DACT2: variants seen among roughly 807,000 people sequenced by gnomAD.
DACT2 encodes the protein dishevelled binding antagonist of beta catenin 2.
A neutral mutation model predicts 22.2 loss-of-function variants in DACT2; 20 were observed. That is an observed-to-expected ratio of 0.90 (90% CI 0.63 to 1.31). The LOEUF (loss-of-function observed/expected upper bound fraction) is 1.31. DACT2 is among the 50% of genes most tolerant of loss of function. The probability of loss-of-function intolerance (pLI) is 0.00; values close to 1 mark genes in which losing one functional copy is unlikely to be tolerated. For synonymous variants in DACT2, 463 were observed against 479.8 expected, an observed-to-expected ratio of 0.96 and a Z score of 0.46; for missense variants, 1,048 against 1,061.4, an observed-to-expected ratio of 0.99 and a Z score of 0.18.
Position 168,308,559 on chromosome 6 carries a change from T to G in DACT2, c.1198A>C (p.Arg400=). ...GGPAQSRGAG[R]GGPQQQGYMP... ...TATCCCTGCTGCTGGGGCCCGCCCC[T>G]GCCGGCACCCCTGCTCTGAGCTGGC... Residue 400 remains arginine (R), a synonymous_variant, in exon 4 of 4, where the codon AGG becomes CGG. Coordinates refer to ENST00000366795, the MANE Select transcript of DACT2 (RefSeq NM_214462.5). 3 of 1,549,622 alleles carry G rather than the reference T, an allele frequency of 1.9e-6. No individual in the cohort carries two copies. Among genetic ancestry groups the G allele is most frequent in the Non-Finnish European group, 2.6e-6 (3 of 1,146,942 alleles).
chr6:168,311,321 CT>C, intron 1 of DACT2, 37 bp from the exon 2 acceptor site: 2 of 1,511,932 alleles, frequency 1.3e-6, no homozygotes, highest in Non-Finnish European at 1.8e-6. Flanking sequence ...ACTGTTGTAC[CT>C]ATGGAAAGCA....
chr6:168,310,422 C>T lies in DACT2; in HGVS notation c.404G>A (p.Gly135Glu), dbSNP rs2114910887. The T allele has an allele frequency of 6.4e-7, 1 of 1,550,850 alleles. No homozygotes were observed. The highest frequency in any genetic ancestry group is 2.4e-5 in the East Asian group (1 of 40,874). The stretch of plus-strand genomic sequence containing the variant: ...ACAGGACGTGGACAGGGAGCAGGAT[C>T]CACCGTCGCTCATCTCGTAAAAGCC... ...SSGFYEMSDG[G>E]SCSLSTSCAS... is the part of the protein sequence containing the mutation. The change falls in exon 3 of 4, where the codon GGA (glycine) becomes GAA (glutamate). Residue 135 changes from glycine (G) to glutamate (E), a missense_variant. By Grantham distance (98) the Gly-to-Glu change is moderately conservative. Coordinates refer to ENST00000366795, the MANE Select transcript of DACT2 (RefSeq NM_214462.5).
At chr6:168,302,645 G>A (rs536125825), downstream of DACT2, among the ~76,000 whole-genome samples, 5 of 152,328 alleles carry the variant, frequency 3.3e-5, no homozygotes, top group African/African-American at 9.6e-5. Flanking sequence ...CAGGAGGGAG[G>A]GATGAGTCTG....
At chr6:168,304,117 C>A (rs145684620), downstream of DACT2, among the ~76,000 whole-genome samples, 1 of 152,168 alleles carries the variant, frequency 6.6e-6, no homozygotes, top group East Asian at 1.9e-4. Flanking sequence ...GGAAACAGCT[C>A]CTCTGTCTTC....
Position 168,307,852 on chromosome 6 carries a change from C to G in DACT2, c.1905G>C (p.Val635=). The part of the protein sequence containing the change: ...PESNLGPPRP[V]ARRAGGPLAR... ...CCAGTGGGCCACCTGCTCTCCTGGC[C>G]ACGGGCCTGGGGGGCCCCAGGTTAG... Residue 635 remains valine (V), a synonymous_variant, in exon 4 of 4, where the codon GTG becomes GTC. Transcript: ENST00000366795. This position sits in a 1 kb window ranked among gnomAD's most constrained non-coding sequence, Gnocchi z 5.3. The G allele has an allele frequency of 6.5e-7, 1 of 1,538,104 alleles. No homozygotes were observed. Among genetic ancestry groups the G allele is most frequent in the African/African-American group, 1.4e-5 (1 of 73,038 alleles).
Position 168,308,230 on chromosome 6 carries a change from C to T in DACT2, c.1527G>A (p.Arg509=), listed in dbSNP as rs1779280309. The change falls in exon 4 of 4, where the codon AGG becomes AGA. Residue 509 remains arginine (R), a synonymous_variant. Coordinates refer to ENST00000366795, the MANE Select transcript of DACT2 (RefSeq NM_214462.5). The part of the protein sequence containing the change: ...IKRSPMDKVL[R]FARQPLLLLD... ...GTAGAAGCAGCGGCTGCCTTGCAAA[C>T]CTCAGCACCTTGTCCATGGGACTTC... The T allele has an allele frequency of 6.4e-7, 1 of 1,552,034 alleles. No individual in the cohort carries two copies. The highest frequency in any genetic ancestry group is 8.7e-7 in the Non-Finnish European group (1 of 1,147,072).
At chr6:168,303,287 C>T (rs1212241984), downstream of DACT2, among the ~76,000 whole-genome samples, 2 of 152,158 alleles carry the variant, frequency 1.3e-5, no homozygotes, top group Non-Finnish European at 2.9e-5. Context: ...CCACCAAAAC[C>T]TCTGCCAAAA....
downstream of DACT2, among the ~76,000 whole-genome samples, chr6:168,304,447 C>T (rs143327709): frequency 3.0e-4 from 46 of 152,372 alleles, no homozygotes; most frequent in African/African-American, 8.9e-4. Flanking sequence ...CTCTCAAAAA[C>T]GGGCTTCTTA....
chr6:168,303,732 A>T (rs1779151042), downstream of DACT2, among the ~76,000 whole-genome samples: 1 of 152,210 alleles, frequency 6.6e-6, no homozygotes, highest in Non-Finnish European at 1.5e-5. Flanking sequence ...GTAGAGAGAA[A>T]ACTTTGCTGG....
rs551861885 is a variant in DACT2, at chr6:168,309,917, T to C, written c.658+251A>G. On this transcript the variant is annotated intron_variant, in intron 3 of 3. Transcript: ENST00000366795. ...GGTTTTTGAAGGATTTTTTTAAGCTTGCTGATGTCCATTTTAAATACAGGG... is the reference window on the plus strand; with the variant it reads ...GGTTTTTGAAGGATTTTTTTAAGCTCGCTGATGTCCATTTTAAATACAGGG... Among the ~76,000 whole-genome samples the C allele has an allele frequency of 5.6e-4, 85 of 152,052 alleles. 1 individual carries two copies. The South Asian group carries it at 0.017, about 30-fold the overall frequency.
Position 168,300,841 on chromosome 6 carries a change from C to T in DACT2, c.659-6137G>A, listed in dbSNP as rs147064186. 1.9e-3 allele frequency among the ~76,000 whole-genome samples: 292 copies of T among 152,096 alleles called. 4 individuals are homozygous for T. Among genetic ancestry groups the T allele is most frequent in the African/African-American group, 6.7e-3 (277 of 41,496 alleles). ...CTATGCTAAAGATATAAAAAATTAGCCAGGCGTGGTGGCAGGTGCCTGTAG... is the reference window on the plus strand; with the variant it reads ...CTATGCTAAAGATATAAAAAATTAGTCAGGCGTGGTGGCAGGTGCCTGTAG... On this transcript the variant is annotated intron_variant, in intron 3 of 5. Transcript: ENST00000366796.
At chr6:168,314,507 C>A (rs943397919) in intron 1 of DACT2, among the ~76,000 whole-genome samples, 1 of 152,174 alleles carries the variant, frequency 6.6e-6, no homozygotes. Context: ...TTCCTTAAGA[C>A]AACAAAAAGT....
chr6:168,295,532 G>T (rs147566232), intron 3 of DACT2, among the ~76,000 whole-genome samples: 1 of 152,106 alleles, frequency 6.6e-6, no homozygotes, highest in Non-Finnish European at 1.5e-5. Context: ...TACAGAAAAG[G>T]CATATAGGGA....
At position 168,319,618 on chromosome 6, in the gene DACT2, C is replaced by T; in HGVS notation, c.16G>A (p.Gly6Arg). Residue 6 changes from glycine to arginine, a missense_variant, in exon 1 of 4, where the codon GGA becomes AGA. By Grantham distance (125) the Gly-to-Arg change is moderately radical. Coordinates refer to ENST00000366795, the MANE Select transcript of DACT2 (RefSeq NM_214462.5). MWTPG[G>R]PPGSAGWDRR... is the part of the protein sequence containing the mutation. ...TCCCAGCCCGCGGACCCCGGGGGTC[C>T]GCCCGGCGTCCACATCTCCCGGGCA... is the stretch of plus-strand genomic sequence containing the variant. 1 of 1,303,986 alleles carries T rather than the reference C, an allele frequency of 7.7e-7. No individual in the cohort carries two copies. The highest frequency in any genetic ancestry group is 2.0e-5 in the South Asian group (1 of 50,240). The allele number at this position is 1,303,986 out of a possible 1,614,324, so 80.8% of individuals were successfully genotyped here.
At chr6:168,294,284 C>A in intron 4 of DACT2, 6 of 701,964 alleles carry the variant, frequency 8.5e-6, no homozygotes, top group Non-Finnish European at 1.6e-5. Context: ...TGCCGTTTCA[C>A]TGGGGCTAGG....
chr6:168,293,668 A>T (rs1336910678), exon 6 of DACT2: 11 of 565,082 alleles, frequency 1.9e-5, no homozygotes, highest in African/African-American at 3.8e-5. Flanking sequence ...TACGTCCATT[A>T]CTCCCTCACT....
downstream of DACT2, among the ~76,000 whole-genome samples, chr6:168,303,269 G>T (rs1054471708): frequency 2.0e-5 from 3 of 152,140 alleles, no homozygotes; most frequent in African/African-American, 7.2e-5. Flanking sequence ...TTTGCGTGTG[G>T]TTTGTCTCCA....
chr6:168,319,775 T>C lies in DACT2; in HGVS notation c.-142A>G, dbSNP rs1185889228. ...CGCAGGTCGCCAAGGTGGGCTGGAA[T>C]CTGTGGCCAGGCGCGGAGGGCGGGG... On this transcript the variant is annotated 5_prime_UTR_variant, in exon 1 of 4. Coordinates refer to ENST00000366795, the MANE Select transcript of DACT2 (RefSeq NM_214462.5). 2 of 1,163,014 alleles carry C rather than the reference T, an allele frequency of 1.7e-6. No homozygotes were observed. The highest frequency in any genetic ancestry group is 3.2e-5 in the African/African-American group (2 of 61,698). 72.0% of individuals were successfully genotyped at this position (1,163,014 alleles called of 1,614,324 possible).
chr6:168,308,607 G>A lies in DACT2; in HGVS notation c.1150C>T (p.Pro384Ser). 1 of 1,545,672 alleles carries A rather than the reference G, an allele frequency of 6.5e-7. No individual in the cohort carries two copies. ...DGGGRLLVFA[P>S]GREDEGGPAQ... ...GGCCCTCCCTCGTCCTCCCTCCCTG[G>A]GGCGAAGACCAGCAGTCGCCCTCCA... The change falls in exon 4 of 4, where the codon CCA becomes TCA. Residue 384 changes from proline to serine, a missense_variant. Pro to Ser is a moderately conservative substitution (Grantham distance 74). Transcript: ENST00000366795.
Sources: gnomAD v4.1 joint callset for allele counts (sites outside exome capture counted in the v4.1 genomes callset) on GRCh38, gnomAD v4.1.1 for gene constraint, Gnocchi (gnomAD v3.1) non-coding constraint, MANE v1.5 for transcripts, NCBI Gene and HGNC (gene_info 2026-07-23, HGNC 2026-07-21) for gene names.